Variants in VWA5B1 observed in about 807,000 individuals in gnomAD.
VWA5B1 encodes von Willebrand factor A domain-containing protein 5B1.
A neutral mutation model predicts 118.2 loss-of-function variants in VWA5B1; 115 were observed. That is an observed-to-expected ratio of 0.97 (90% CI 0.84 to 1.14). VWA5B1 has a LOEUF of 1.14. VWA5B1 is among the 50% of genes most tolerant of loss of function. The pLI is 0.00. For missense variants in VWA5B1, 1,596 were observed against 1,603.8 expected, an observed-to-expected ratio of 1.00 and a Z score of 0.08; for synonymous variants, 682 against 658.4, an observed-to-expected ratio of 1.04 and a Z score of -0.55.
chr1:20,295,032 G>A (rs895889891), intron 1 of VWA5B1, among the ~76,000 whole-genome samples: 17 of 152,202 alleles, frequency 1.1e-4, no homozygotes, highest in Non-Finnish European at 1.5e-5. Context: ...GTTACAGCAG[G>A]ATTTAGCTGA....
intron 7 of VWA5B1, among the ~76,000 whole-genome samples, chr1:20,322,435 G>T (rs2089248149): frequency 6.6e-6 from 1 of 152,172 alleles, no homozygotes; most frequent in South Asian, 2.1e-4. Flanking sequence ...GAAGGGTCCT[G>T]GCCTCAGGGC....
chr1:20,311,627 A>T (rs970495509), intron 2 of VWA5B1, among the ~76,000 whole-genome samples: 3 of 152,102 alleles, frequency 2.0e-5, no homozygotes, highest in Non-Finnish European at 4.4e-5. Context: ...CCACTTCAGG[A>T]GGGGAATTGT....
Position 20,349,549 on chromosome 1 carries a change from C to T in VWA5B1, c.2879-607C>T, listed in dbSNP as rs899256126. On this transcript the variant is annotated intron_variant, in intron 18 of 21. Coordinates refer to ENST00000289815, the MANE Select transcript of VWA5B1 (RefSeq NM_001039500.3). ...CAGGCACCTGCCACCATGCCCCGCT[C>T]ATTTTATATTTTTAGTAGAGTTGGG... is the stretch of plus-strand genomic sequence containing the variant. 4.6e-5 allele frequency among the ~76,000 whole-genome samples: 7 copies of T among 151,858 alleles called. No homozygotes were observed. The East Asian group carries it at 1.4e-3, about 30-fold the overall frequency.
In VWA5B1 at chr1:20,352,146, A is replaced by T. The variant is rs2090142534; in HGVS notation, c.3115A>T (p.Asn1039Tyr). Residue 1039 changes from asparagine to tyrosine, a missense_variant, in exon 21 of 22, where the codon AAC (asparagine) becomes TAC (tyrosine). By Grantham distance (143) the Asn-to-Tyr change is moderately radical (BLOSUM62 -2). Transcript: ENST00000289815. ...CAAAGCTGTGGAGTCGACCTCCGGG[A>T]ACCAGAGCTTCGACTACATACCTCT... is the stretch of plus-strand genomic sequence containing the variant. Reference protein sequence around the residue: ...LIKAVESTSGNQSFDYIPLVS... With the variant: ...LIKAVESTSGYQSFDYIPLVS... 4 of 1,551,272 alleles carry T rather than the reference A, an allele frequency of 2.6e-6. No individual in the cohort carries two copies. Among genetic ancestry groups the T allele is most frequent in the Non-Finnish European group, 3.5e-6 (4 of 1,146,890 alleles).
intron 12 of VWA5B1, among the ~76,000 whole-genome samples, chr1:20,334,735 C>T (rs1312726938): frequency 6.6e-6 from 1 of 152,062 alleles, no homozygotes; most frequent in Non-Finnish European, 1.5e-5. Flanking sequence ...CACTTGAACC[C>T]GGAAGACAGA....
In VWA5B1 at chr1:20,353,855, C is replaced by T. The variant is rs1325785094; in HGVS notation, c.3240C>T (p.Phe1080=). ...AGAAGCTCAAGTGGACGTCCCCCTT[C>T]ACCTGCCATCGAGTGTCCCTCACCA... is the stretch of plus-strand genomic sequence containing the variant. ...PMEKLKWTSP[F]TCHRVSLTTR... The change falls in exon 22 of 22, where the codon TTC becomes TTT. Residue 1080 remains phenylalanine (F), a synonymous_variant. Coordinates refer to ENST00000289815, the MANE Select transcript of VWA5B1 (RefSeq NM_001039500.3). 2 of 1,539,054 alleles carry T rather than the reference C, an allele frequency of 1.3e-6. No homozygotes were observed. Among genetic ancestry groups the T allele is most frequent in the African/African-American group, 1.4e-5 (1 of 72,880 alleles).
Position 20,357,163 on chromosome 1 carries a change from G to A in VWA5B1, c.*2900G>A, listed in dbSNP as rs562341964. On this transcript the variant is annotated 3_prime_UTR_variant, in exon 22 of 22. Transcript: ENST00000289815. ...CCCAGCCTCCAAGCTGCCTTCAGTGGGAAAAACACTGAGCTGAGAGTTGAG... is the reference window on the plus strand; with the variant it reads ...CCCAGCCTCCAAGCTGCCTTCAGTGAGAAAAACACTGAGCTGAGAGTTGAG... Among the ~76,000 whole-genome samples the A allele has an allele frequency of 9.3e-4, 142 of 152,306 alleles. No homozygotes were observed. Among genetic ancestry groups the A allele is most frequent in the African/African-American group, 3.3e-3 (137 of 41,574 alleles).
At chr1:20,306,781 T>C (rs1426797727) in intron 1 of VWA5B1, among the ~76,000 whole-genome samples, 1 of 152,194 alleles carries the variant, frequency 6.6e-6, no homozygotes. Flanking sequence ...GGAACCTCTC[T>C]AAGCCGTATA....
intron 7 of VWA5B1, 43 bp from the exon 8 acceptor site, chr1:20,323,313 C>G: frequency 7.1e-7 from 1 of 1,410,552 alleles, no homozygotes; most frequent in Non-Finnish European, 9.3e-7. Flanking sequence ...AGGAGTACCT[C>G]TTGACCCTGA....
chr1:20,335,151 A>G (rs1235705390), intron 12 of VWA5B1, among the ~76,000 whole-genome samples: 3 of 152,146 alleles, frequency 2.0e-5, no homozygotes, highest in Non-Finnish European at 4.4e-5. Context: ...TCTACAAAAT[A>G]TAAAAATTAA....
At chr1:20,337,958 C>A in intron 14 of VWA5B1, 122 bp downstream of exon 14, 1 of 1,262,756 alleles carries the variant, frequency 7.9e-7, no homozygotes, top group Non-Finnish European at 1.1e-6. Context: ...TGAGTCACTC[C>A]CTCTTTCCTT....
chr1:20,318,048 C>A (rs1208640157), intron 5 of VWA5B1, among the ~76,000 whole-genome samples: 2 of 148,876 alleles, frequency 1.3e-5, no homozygotes, highest in Non-Finnish European at 3.0e-5. Flanking sequence ...TCCCACCCCC[C>A]AGAGATTCTG....
At chr1:20,345,320 G>A (rs2089983156) in intron 16 of VWA5B1, 136 bp from the exon 17 acceptor site, 3 of 1,123,786 alleles carry the variant, frequency 2.7e-6, no homozygotes, top group Non-Finnish European at 3.7e-6. Context: ...AAGTTGGCAA[G>A]CCCTTGATTT....
chr1:20,327,210 G>T (rs112847898), intron 8 of VWA5B1, among the ~76,000 whole-genome samples: 7 of 152,124 alleles, frequency 4.6e-5, no homozygotes, highest in African/African-American at 1.7e-4. Flanking sequence ...TTTACCCTCT[G>T]GATGCTCACC....
Position 20,330,906 on chromosome 1 carries a change from A to G in VWA5B1, c.1495A>G (p.Arg499Gly). 2 of 1,551,740 alleles carry G rather than the reference A, an allele frequency of 1.3e-6. No homozygotes were observed. Among genetic ancestry groups the G allele is most frequent in the Non-Finnish European group, 1.7e-6 (2 of 1,146,994 alleles). ...SFGIGPNVCH[R>G]LVKGLASVSE... The stretch of plus-strand genomic sequence containing the variant: ...TGGAATTGGACCCAACGTCTGCCAC[A>G]GACTGGTGAAAGGACTGGCATCTGT... The change falls in exon 11 of 22, where the codon AGA becomes GGA. Residue 499 changes from arginine (R) to glycine (G), a missense_variant. Physicochemically the swap from Arg to Gly is moderately radical, Grantham distance 125. Transcript: ENST00000289815.
chr1:20,338,047 C>T (rs1461151863), intron 14 of VWA5B1: 1 of 700,982 alleles, frequency 1.4e-6, no homozygotes, highest in Non-Finnish European at 2.6e-6. Flanking sequence ...TCGCTCATTC[C>T]CTGCACACAC....
chr1:20,339,486 G>A (rs2089817233), intron 14 of VWA5B1, among the ~76,000 whole-genome samples: 1 of 152,176 alleles, frequency 6.6e-6, no homozygotes, highest in South Asian at 2.1e-4. Flanking sequence ...AGGTTGCAGT[G>A]AGCTGGGTTG....
intron 12 of VWA5B1, among the ~76,000 whole-genome samples, chr1:20,333,464 G>A (rs1020974170): frequency 3.3e-5 from 5 of 152,186 alleles, no homozygotes; most frequent in Non-Finnish European, 5.9e-5. Flanking sequence ...GCGACAGAGC[G>A]AGACTCCGTC....
intron 16 of VWA5B1, among the ~76,000 whole-genome samples, chr1:20,344,582 A>G (rs1054228685): frequency 5.9e-5 from 9 of 152,218 alleles, no homozygotes; most frequent in Non-Finnish European, 8.8e-5. Context: ...AAGAGATTGT[A>G]TAACAGGGAC....
Sources: gnomAD v4.1 joint callset for allele counts (sites outside exome capture counted in the v4.1 genomes callset) on GRCh38, gnomAD v4.1.1 for gene constraint, MANE v1.5 for transcripts, NCBI Gene and HGNC (gene_info 2026-07-23, HGNC 2026-07-21) for gene names.